Variants in HACD3 observed in about 807,000 individuals in gnomAD.
HACD3 encodes the protein 3-hydroxyacyl-CoA dehydratase 3, also known as very-long-chain (3R)-3-hydroxyacyl-CoA dehydratase 3.
In HACD3, 30 loss-of-function variants were observed where a neutral mutation model predicts 55.2. The ratio of observed to expected loss-of-function variants is 0.54; its 90% CI spans 0.41 to 0.74. HACD3 has a LOEUF of 0.74. HACD3 is among the 30% of genes least tolerant of loss of function. The pLI is 0.00. For missense variants in HACD3, 363 were observed against 440.1 expected (o/e 0.82, Z 1.57); for synonymous variants, 141 against 151.7 (o/e 0.93, Z 0.52).
intron 6 of HACD3, among the ~76,000 whole-genome samples, chr15:65,563,928 C>A (rs146124680): frequency 0.048 from 7,279 of 151,842 alleles, 604 homozygotes; most frequent in African/African-American, 0.17. Context: ...CAAGATCGTG[C>A]CACTGCACTG....
At chr15:65,537,367 A>C (rs2071964735) in intron 1 of HACD3, among the ~76,000 whole-genome samples, 1 of 152,126 alleles carries the variant, frequency 6.6e-6, no homozygotes, top group Non-Finnish European at 1.5e-5. Context: ...ATAGTTAGAG[A>C]GAAGTCAATG....
At chr15:65,565,958 A>T in intron 7 of HACD3, 1 of 152,596 alleles carries the variant, frequency 6.6e-6, no homozygotes, top group Non-Finnish European at 1.5e-5. Context: ...TTCTCCTGCC[A>T]GATACCCTAA....
At chr15:65,555,005 A>C in intron 3 of HACD3, 45 bp downstream of exon 3, 2 of 1,433,954 alleles carry the variant, frequency 1.4e-6, no homozygotes, top group Non-Finnish European at 2.0e-6. Context: ...TTAGGAAATG[A>C]ATACCAGTAG....
rs2072348674 is a variant in HACD3 at position 65,571,603 on chromosome 15, C to G, written c.829C>G (p.Leu277Val). 1 of 1,613,860 alleles carries G rather than the reference C, an allele frequency of 6.2e-7. No homozygotes were observed. Among genetic ancestry groups the G allele is most frequent in the African/African-American group, 1.3e-5 (1 of 75,046 alleles). ...CATGGATTGGAAGGTGCTCACATGGCTTCGTTACACTCTGTGGATTCCCTT... is the reference window on the plus strand; with the variant it reads ...CATGGATTGGAAGGTGCTCACATGGGTTCGTTACACTCTGTGGATTCCCTT... ...IDMDWKVLTW[L>V]RYTLWIPLYP... is the part of the protein sequence containing the mutation. Residue 277 changes from leucine to valine, a missense_variant, in exon 9 of 11, where the codon CTT (leucine) becomes GTT (valine). Physicochemically the swap from Leu to Val is conservative, Grantham distance 32. Transcript: ENST00000261875.
Position 65,554,957 on chromosome 15 carries a change from A to C in HACD3, c.201A>C (p.Pro67=). 1 of 1,601,974 alleles carries C rather than the reference A, an allele frequency of 6.2e-7. No homozygotes were observed. The highest frequency in any genetic ancestry group is 8.6e-7 in the Non-Finnish European group (1 of 1,168,964). ...TGGAGTTCTTAGACCTTGTGAAACC[A>C]GAGGTATGTTCTTTCCTTTCTCACT... The part of the protein sequence containing the change: ...FHLEFLDLVK[P]EPVYKLTQRQ... The change falls in exon 3 of 11, where the codon CCA becomes CCC. Residue 67 remains proline, a synonymous_variant. Transcript: ENST00000261875.
chr15:65,534,187 C>CT (rs1204994654), intron 1 of HACD3, among the ~76,000 whole-genome samples: 1 of 152,196 alleles, frequency 6.6e-6, no homozygotes, highest in Non-Finnish European at 1.5e-5. Flanking sequence ...TTGGACAGCA[C>CT]TTTAACACTC....
intron 5 of HACD3, among the ~76,000 whole-genome samples, chr15:65,559,789 C>CT (rs2072227766): frequency 6.6e-6 from 1 of 152,012 alleles, no homozygotes; most frequent in Non-Finnish European, 1.5e-5. Context: ...AAAAAAGCCA[C>CT]TTTGAGATTT....
chr15:65,538,085 ATGT>A (rs1249787700), intron 1 of HACD3, among the ~76,000 whole-genome samples: 1 of 150,902 alleles, frequency 6.6e-6, no homozygotes, highest in Non-Finnish European at 1.5e-5. Flanking sequence ...AAGGAGATTA[ATGT>A]TGTTTTCATG....
intron 1 of HACD3, among the ~76,000 whole-genome samples, chr15:65,541,485 G>T (rs1362073643): frequency 6.6e-6 from 1 of 152,174 alleles, no homozygotes; most frequent in African/African-American, 2.4e-5. Flanking sequence ...GAAACATGTG[G>T]TATCTCAGTA....
intron 2 of HACD3, among the ~76,000 whole-genome samples, chr15:65,553,493 A>G (rs1345629873): frequency 6.6e-6 from 1 of 152,114 alleles, no homozygotes; most frequent in Non-Finnish European, 1.5e-5. Flanking sequence ...TCTCTGTTCC[A>G]GTTCCTGGGA....
intron 1 of HACD3, among the ~76,000 whole-genome samples, chr15:65,542,701 C>T (rs1286861564): frequency 1.3e-5 from 2 of 152,068 alleles, no homozygotes; most frequent in African/African-American, 2.4e-5. Flanking sequence ...GGTTTGGGAG[C>T]AAGACTTCTG....
chr15:65,574,081 T>C (rs1402445239), intron 10 of HACD3, among the ~76,000 whole-genome samples: 2 of 152,238 alleles, frequency 1.3e-5, no homozygotes, highest in African/African-American at 2.4e-5. Flanking sequence ...TAGTTCTCTA[T>C]TGCTGTGTAA....
chr15:65,561,058 A>G (rs2141219221), intron 5 of HACD3, among the ~76,000 whole-genome samples: 1 of 152,310 alleles, frequency 6.6e-6, no homozygotes, highest in South Asian at 2.1e-4. Context: ...TTGAGTGAAT[A>G]TATAACCAAA....
intron 7 of HACD3, chr15:65,565,677 G>T (rs1387085336): frequency 2.6e-5 from 4 of 152,234 alleles, no homozygotes; most frequent in African/African-American, 7.2e-5. Context: ...CTCCGCGCCT[G>T]TGATGGGAGG....
At chr15:65,546,419 G>A (rs1312053267) in intron 1 of HACD3, among the ~76,000 whole-genome samples, 1 of 152,118 alleles carries the variant, frequency 6.6e-6, no homozygotes, top group Non-Finnish European at 1.5e-5. Context: ...GGTTAAGTAT[G>A]ATGTCTGCAG....
chr15:65,554,851 T>C, intron 2 of HACD3, 36 bp from the exon 3 acceptor site: 1 of 1,515,162 alleles, frequency 6.6e-7, no homozygotes, highest in Non-Finnish European at 9.2e-7. Flanking sequence ...CTTGCTCTGC[T>C]CAAGTTTGCA....
At chr15:65,539,872 T>C (rs1483837764) in intron 1 of HACD3, among the ~76,000 whole-genome samples, 1 of 152,198 alleles carries the variant, frequency 6.6e-6, no homozygotes, top group African/African-American at 2.4e-5. Flanking sequence ...AGTATGAAAT[T>C]ATTTTTGTGA....
In HACD3 at chr15:65,571,564, C is replaced by A; in HGVS notation, c.790C>A (p.Leu264Met). 1.9e-6 allele frequency: 3 copies of A among 1,613,300 alleles called. No individual in the cohort carries two copies. In the South Asian group the frequency reaches 3.3e-5, roughly 18 times the overall value. ...TTTCAATAGGTACTCTTTCTACATGCTGACGTGCATTGACATGGATTGGAA... is the reference window on the plus strand; with the variant it reads ...TTTCAATAGGTACTCTTTCTACATGATGACGTGCATTGACATGGATTGGAA... ...IEIFRYSFYMLTCIDMDWKVL... is the reference protein window; with the variant it reads ...IEIFRYSFYMMTCIDMDWKVL... Residue 264 changes from leucine (L) to methionine (M), a missense_variant, in exon 9 of 11, where the codon CTG becomes ATG. Coordinates refer to ENST00000261875, the MANE Select transcript of HACD3 (RefSeq NM_016395.4).
intron 1 of HACD3, among the ~76,000 whole-genome samples, chr15:65,543,365 T>G (rs891708274): frequency 1.3e-5 from 2 of 152,154 alleles, no homozygotes; most frequent in African/African-American, 4.8e-5. Flanking sequence ...AAATTTTCTT[T>G]TTTCTTATTT....
Sources: gnomAD v4.1 joint callset for allele counts (sites outside exome capture counted in the v4.1 genomes callset) on GRCh38, gnomAD v4.1.1 for gene constraint, MANE v1.5 for transcripts, NCBI Gene and HGNC (gene_info 2026-07-23, HGNC 2026-07-21) for gene names.